SLCO3A1: variants seen among roughly 807,000 people sequenced by gnomAD.
SLCO3A1 encodes solute carrier organic anion transporter family member 3A1.
In SLCO3A1, 27 loss-of-function variants were observed where a neutral mutation model predicts 63.1. The ratio of observed to expected loss-of-function variants is 0.43; its 90% CI spans 0.32 to 0.59. The LOEUF (loss-of-function observed/expected upper bound fraction) is 0.59, where lower values mean the gene tolerates loss of function less well. Among genes scored for constraint, SLCO3A1 ranks in the 20% least tolerant of loss-of-function variants. The pLI, the probability that SLCO3A1 is intolerant of heterozygous loss-of-function variation, is 0.09. For synonymous variants in SLCO3A1, 473 were observed against 409.9 expected (o/e 1.15, Z -1.86); for missense variants, 773 against 945.8 (o/e 0.82, Z 2.40).
intron 10 of SLCO3A1, chr15:92,171,774 C>T: frequency 6.5e-7 from 1 of 1,548,658 alleles, no homozygotes; most frequent in Non-Finnish European, 8.7e-7. Context: ...CCTCCTCCCC[C>T]TTTAGGCACA....
intron 2 of SLCO3A1, among the ~76,000 whole-genome samples, chr15:92,020,729 A>G (rs1013778107): frequency 3.3e-5 from 5 of 152,196 alleles, no homozygotes; most frequent in African/African-American, 9.7e-5. Flanking sequence ...GCTTCTTTTG[A>G]CATTAGTGCT....
intron 7 of SLCO3A1, among the ~76,000 whole-genome samples, chr15:92,137,747 T>C (rs1375283803): frequency 9.5e-6 from 1 of 105,008 alleles, no homozygotes; most frequent in South Asian, 2.7e-4. Flanking sequence ...TTTTTTCATG[T>C]GTTTTTTGGC....
chr15:92,162,740 CT>C lies in SLCO3A1; in HGVS notation c.1754-12del. The C allele has an allele frequency of 1.3e-6, 2 of 1,599,554 alleles. No individual in the cohort carries two copies. Among genetic ancestry groups the C allele is most frequent in the Non-Finnish European group, 1.7e-6 (2 of 1,172,784 alleles). ...CCACCAGATCCAGAACCTTAACATT[CT>C]TTTCCCGGTAACAGGCTTCATCCCT... is the stretch of plus-strand genomic sequence containing the variant. On this transcript the variant is annotated splice_polypyrimidine_tract_variant and intron_variant, in intron 9 of 9. Transcript: ENST00000318445.
At chr15:92,018,109 G>A (rs532295223) in intron 2 of SLCO3A1, among the ~76,000 whole-genome samples, 1 of 152,334 alleles carries the variant, frequency 6.6e-6, no homozygotes, top group African/African-American at 2.4e-5. Context: ...CCGAGTACAA[G>A]GGACTGAGAT....
chr15:92,126,628 A>G (rs2047927455), intron 6 of SLCO3A1, among the ~76,000 whole-genome samples: 1 of 152,198 alleles, frequency 6.6e-6, no homozygotes, highest in African/African-American at 2.4e-5. Context: ...TCCTTAAACT[A>G]TCAGAAGCTG....
chr15:92,014,006 C>T (rs1013496884), intron 2 of SLCO3A1, among the ~76,000 whole-genome samples: 2 of 152,132 alleles, frequency 1.3e-5, no homozygotes, highest in African/African-American at 4.8e-5. Context: ...CGTGGTCACT[C>T]CCACCCCCAT....
chr15:92,052,425 G>A (rs1476132196), intron 2 of SLCO3A1, among the ~76,000 whole-genome samples: 1 of 152,038 alleles, frequency 6.6e-6, no homozygotes, highest in Non-Finnish European at 1.5e-5. Flanking sequence ...ATAAATCCTA[G>A]ACTCACCTGG....
At chr15:92,152,775 T>C (rs1238505733) in intron 9 of SLCO3A1, among the ~76,000 whole-genome samples, 1 of 152,198 alleles carries the variant, frequency 6.6e-6, no homozygotes, top group Admixed American at 6.5e-5. Context: ...TGAAAACCTA[T>C]TGTGTTCTAA....
intron 2 of SLCO3A1, among the ~76,000 whole-genome samples, chr15:92,053,747 G>C (rs149346546): frequency 1.3e-5 from 2 of 150,920 alleles, no homozygotes; most frequent in African/African-American, 4.9e-5. Context: ...GGGTTTGGAA[G>C]AGGAAGGACA....
chr15:91,864,344 G>C (rs1242041813), intron 1 of SLCO3A1, among the ~76,000 whole-genome samples: 1 of 152,184 alleles, frequency 6.6e-6, no homozygotes, highest in African/African-American at 2.4e-5. Flanking sequence ...TCGCTGGCAG[G>C]TATAAGCAGG....
chr15:91,964,625 G>A (rs1432071007), intron 2 of SLCO3A1, among the ~76,000 whole-genome samples: 1 of 152,108 alleles, frequency 6.6e-6, no homozygotes, highest in Non-Finnish European at 1.5e-5. Context: ...GGACCAGGCC[G>A]GAAGTGGCAC....
At chr15:91,991,284 TGA>T (rs2046123411) in intron 2 of SLCO3A1, among the ~76,000 whole-genome samples, 1 of 152,144 alleles carries the variant, frequency 6.6e-6, no homozygotes, top group African/African-American at 2.4e-5. Flanking sequence ...GGGGATCACT[TGA>T]ACCCAGGAGA....
At position 92,131,349 on chromosome 15, in the gene SLCO3A1, C is replaced by T. The variant is rs1596128799; in HGVS notation, c.1512+2860C>T. 1.8e-5 allele frequency among the ~76,000 whole-genome samples: 2 copies of T among 111,006 alleles called. 1 individual carries two copies. The highest frequency in any genetic ancestry group is 6.0e-5 in the African/African-American group (2 of 33,316). The allele number at this position is 111,006 out of a possible 152,430, so 72.8% of individuals were successfully genotyped here. ...GGCTGCCTCTCCAGCCTCAACCTCC[C>T]TATTCCTCCCACCTCTTTTTTTTTT... On this transcript the variant is annotated intron_variant, in intron 7 of 9. Transcript: ENST00000318445.
chr15:92,045,384 G>A (rs1394542252), intron 2 of SLCO3A1, among the ~76,000 whole-genome samples: 1 of 151,640 alleles, frequency 6.6e-6, no homozygotes, highest in Non-Finnish European at 1.5e-5. Context: ...TTATAATTCT[G>A]CCACCCAGAA....
intron 1 of SLCO3A1, among the ~76,000 whole-genome samples, chr15:91,867,243 C>A (rs771193926): frequency 1.2e-4 from 18 of 152,274 alleles, no homozygotes; most frequent in Non-Finnish European, 2.1e-4. Flanking sequence ...TGTGGAGGGA[C>A]CTTCATCCAG....
chr15:92,004,575 C>A (rs2046292668), intron 2 of SLCO3A1, among the ~76,000 whole-genome samples: 1 of 152,118 alleles, frequency 6.6e-6, no homozygotes, highest in Non-Finnish European at 1.5e-5. Context: ...AACAGAACAC[C>A]AAAAACCAAA....
chr15:91,943,178 C>T (rs920542492), intron 2 of SLCO3A1, among the ~76,000 whole-genome samples: 5 of 152,174 alleles, frequency 3.3e-5, no homozygotes, highest in African/African-American at 9.7e-5. Flanking sequence ...CAGTGTTGTG[C>T]AATCTCCAGA....
At chr15:92,168,868 G>A (rs1454881938), downstream of SLCO3A1, among the ~76,000 whole-genome samples, 4 of 152,160 alleles carry the variant, frequency 2.6e-5, no homozygotes, top group African/African-American at 9.7e-5. Context: ...TGACACTGTA[G>A]CTCGACTAGA....
At chr15:92,144,552 C>G (rs534731918) in intron 7 of SLCO3A1, among the ~76,000 whole-genome samples, 1 of 152,220 alleles carries the variant, frequency 6.6e-6, no homozygotes, top group Non-Finnish European at 1.5e-5. Flanking sequence ...CCTTACGCAA[C>G]GGTAACTTCT....
Sources: gnomAD v4.1 joint callset for allele counts (sites outside exome capture counted in the v4.1 genomes callset) on GRCh38, gnomAD v4.1.1 for gene constraint, MANE v1.5 for transcripts, NCBI Gene and HGNC (gene_info 2026-07-23, HGNC 2026-07-21) for gene names.